DAAM1: variants seen among roughly 807,000 people sequenced by gnomAD.
The protein encoded by DAAM1 is disheveled-associated activator of morphogenesis 1.
DAAM1 carries 52 observed loss-of-function variants against 130.0 expected under a neutral mutation model. That is an observed-to-expected ratio of 0.40 (90% CI 0.32 to 0.50). The LOEUF is 0.50. DAAM1 is among the 20% of genes least tolerant of loss of function. The probability of loss-of-function intolerance (pLI) is 0.61; values close to 1 mark genes in which losing one functional copy is unlikely to be tolerated. For missense variants in DAAM1, 1,134 were observed against 1,303.8 expected, an observed-to-expected ratio of 0.87 and a Z score of 2.01; for synonymous variants, 452 against 444.5, an observed-to-expected ratio of 1.02 and a Z score of -0.21.
At chr14:59,332,027 A>C (rs1885463076) in intron 15 of DAAM1, 107 bp downstream of exon 15, 1 of 944,800 alleles carries the variant, frequency 1.1e-6, no homozygotes, top group South Asian at 1.6e-5. Flanking sequence ...TATGAATTCT[A>C]GGCTGTTGGA....
intron 17 of DAAM1, among the ~76,000 whole-genome samples, chr14:59,348,547 T>C (rs1886168211): frequency 6.6e-6 from 1 of 152,178 alleles, no homozygotes; most frequent in Admixed American, 6.5e-5. Flanking sequence ...TTTTGAGTGG[T>C]TTTGGTCAAT....
intron 4 of DAAM1, 91 bp from the exon 5 acceptor site, chr14:59,320,399 T>G: frequency 1.0e-6 from 1 of 961,098 alleles, no homozygotes; most frequent in Non-Finnish European, 1.5e-6. Flanking sequence ...ATATTTAAAG[T>G]GATAGTGACA....
At chr14:59,226,264 A>G (rs2139436007) in intron 1 of DAAM1, among the ~76,000 whole-genome samples, 1 of 152,320 alleles carries the variant, frequency 6.6e-6, no homozygotes, top group East Asian at 1.9e-4. Flanking sequence ...CTGTAAGAGC[A>G]TAGAGAAGGC....
chr14:59,189,598 G>T (rs1024375108), intron 1 of DAAM1, among the ~76,000 whole-genome samples: 1 of 152,174 alleles, frequency 6.6e-6, no homozygotes. Flanking sequence ...TGGTAGCGCG[G>T]GGGTGGAGGT....
intron 1 of DAAM1, among the ~76,000 whole-genome samples, chr14:59,242,178 A>AT (rs1881154053): frequency 6.6e-6 from 1 of 152,116 alleles, no homozygotes; most frequent in Non-Finnish European, 1.5e-5. Context: ...GACTAGTAAT[A>AT]TTTTTTTCCA....
intron 1 of DAAM1, among the ~76,000 whole-genome samples, chr14:59,192,926 G>A (rs1887774619): frequency 6.6e-6 from 1 of 152,174 alleles, no homozygotes; most frequent in South Asian, 2.1e-4. Context: ...GGTGGCGGGT[G>A]CCTGTAGTCC....
intron 15 of DAAM1, among the ~76,000 whole-genome samples, chr14:59,339,622 G>T (rs374674333): frequency 6.6e-6 from 1 of 152,158 alleles, no homozygotes; most frequent in Non-Finnish European, 1.5e-5. Context: ...AGGTTTTATC[G>T]TTTAGCTTTT....
intron 20 of DAAM1, among the ~76,000 whole-genome samples, chr14:59,357,137 A>G (rs1886512865): frequency 6.6e-6 from 1 of 152,202 alleles, no homozygotes; most frequent in African/African-American, 2.4e-5. Flanking sequence ...CAAATGAGGT[A>G]TTATTTGGAT....
chr14:59,244,491 C>T (rs1423770187), intron 1 of DAAM1, among the ~76,000 whole-genome samples: 1 of 152,154 alleles, frequency 6.6e-6, no homozygotes, highest in Non-Finnish European at 1.5e-5. Flanking sequence ...ATTATAAGCT[C>T]TGTGAGGGCA....
intron 17 of DAAM1, among the ~76,000 whole-genome samples, chr14:59,351,261 C>T (rs1297953694): frequency 1.3e-5 from 2 of 152,172 alleles, no homozygotes; most frequent in African/African-American, 4.8e-5. Context: ...ACCATCATCT[C>T]TCACCTAGAT....
chr14:59,248,093 G>A (rs1881473786), intron 1 of DAAM1, among the ~76,000 whole-genome samples: 1 of 152,172 alleles, frequency 6.6e-6, no homozygotes, highest in Admixed American at 6.5e-5. Context: ...AAGTGAGTAG[G>A]AGTAATAATT....
intron 1 of DAAM1, among the ~76,000 whole-genome samples, chr14:59,228,566 T>C (rs139049715): frequency 6.6e-6 from 1 of 152,346 alleles, no homozygotes; most frequent in East Asian, 1.9e-4. Context: ...AAAAGGAAAA[T>C]ACCTCTGTAG....
chr14:59,236,799 G>A (rs1329933780), intron 1 of DAAM1, among the ~76,000 whole-genome samples: 1 of 152,126 alleles, frequency 6.6e-6, no homozygotes, highest in Non-Finnish European at 1.5e-5. Context: ...GTGTATGTTT[G>A]TAGAATAAAT....
chr14:59,362,047 A>AG (rs1356035409), intron 22 of DAAM1, among the ~76,000 whole-genome samples: 1 of 117,638 alleles, frequency 8.5e-6, no homozygotes, highest in Non-Finnish European at 1.7e-5. Context: ...TGTAGGGAGT[A>AG]GGGGGCAGTA....
chr14:59,258,366 A>G (rs1355505406), intron 1 of DAAM1, among the ~76,000 whole-genome samples: 1 of 152,184 alleles, frequency 6.6e-6, no homozygotes. Context: ...GTTAAGGGCC[A>G]GTGCAGAGAC....
In DAAM1 at chr14:59,352,546, A is replaced by G. The variant is rs1886327858; in HGVS notation, c.2181A>G (p.Glu727=). The G allele has an allele frequency of 6.2e-7, 1 of 1,613,370 alleles. No homozygotes were observed. The change falls in exon 18 of 25, where the codon GAA becomes GAG. Residue 727 remains glutamate (E), a synonymous_variant. Transcript: ENST00000360909. ...TTCAGCTCTTGAAATTTGTTCCTGA[A>G]AAAAGTGACATTGACCTATTGGAGG... ...MLEQLLKFVP[E]KSDIDLLEEH...
chr14:59,251,979 C>T (rs1297964422), intron 1 of DAAM1, among the ~76,000 whole-genome samples: 1 of 152,132 alleles, frequency 6.6e-6, no homozygotes, highest in Admixed American at 6.5e-5. Context: ...CGTGCTGCCC[C>T]AAATGAGTCC....
chr14:59,346,138 T>TGG (rs36023292), intron 16 of DAAM1, among the ~76,000 whole-genome samples: 58 of 119,622 alleles, frequency 4.8e-4, no homozygotes, highest in African/African-American at 1.5e-3. Flanking sequence ...CCCTTTTTTT[T>TGG]GGGGGGGGGG....
intron 1 of DAAM1, among the ~76,000 whole-genome samples, chr14:59,260,584 A>T (rs901305756): frequency 6.6e-6 from 1 of 152,194 alleles, no homozygotes; most frequent in Non-Finnish European, 1.5e-5. Flanking sequence ...CCTTTTCTGT[A>T]TAGTCCTTCA....
Sources: allele counts gnomAD v4.1 joint callset (sites outside exome capture counted in the v4.1 genomes callset), GRCh38; gene constraint gnomAD v4.1.1; transcripts MANE v1.5; gene names NCBI Gene and HGNC (gene_info 2026-07-23, HGNC 2026-07-21).